KIAA1217: variants seen among roughly 807,000 people sequenced by gnomAD.
The protein encoded by KIAA1217 is sickle tail protein homolog.
In KIAA1217, 88 loss-of-function variants were observed where a neutral mutation model predicts 163.9. That is an observed-to-expected ratio of 0.54 (90% CI 0.45 to 0.64). The LOEUF (loss-of-function observed/expected upper bound fraction) is 0.64, where lower values mean the gene tolerates loss of function less well. Among genes scored for constraint, KIAA1217 ranks in the 30% least tolerant of loss-of-function variants. The pLI is 0.00. For synonymous variants in KIAA1217, 903 were observed against 923.1 expected (o/e 0.98, Z 0.39); for missense variants, 2,372 against 2,475.0 (o/e 0.96, Z 0.88).
chr10:23,957,209 C>T (rs886491133), intron 1 of KIAA1217, among the ~76,000 whole-genome samples: 5 of 152,122 alleles, frequency 3.3e-5, no homozygotes, highest in African/African-American at 9.7e-5. Flanking sequence ...TGCTGGCCCT[C>T]GTGTGCCTGG....
intron 7 of KIAA1217, 188 bp from the exon 8 acceptor site, chr10:24,494,959 C>G: frequency 1.7e-6 from 1 of 596,486 alleles, no homozygotes; most frequent in Admixed American, 3.2e-5. Context: ...GCATTCCACC[C>G]CCAGTGTCAG....
At chr10:23,717,303 C>T (rs182271452) in intron 1 of KIAA1217, among the ~76,000 whole-genome samples, 4 of 151,906 alleles carry the variant, frequency 2.6e-5, no homozygotes, top group Non-Finnish European at 4.4e-5. Context: ...AAGCTCATAG[C>T]GGGACTTATT....
Position 24,087,910 on chromosome 10 carries a change from G to A in KIAA1217, c.-171+80536G>A, listed in dbSNP as rs1291655003. ...TTTCTCTTTATGCCAGATCAGAGCT[G>A]TGGTGGCCTCCCAAGCCTTCCCATG... On this transcript the variant is annotated intron_variant, in intron 2 of 18. Coordinates refer to the KIAA1217 transcript ENST00000376462. Among the ~76,000 whole-genome samples the A allele has an allele frequency of 1.0e-3, 74 of 73,870 alleles. 14 individuals are homozygous for A. The highest frequency in any genetic ancestry group is 2.2e-4 in the East Asian group (1 of 4,642). 48.5% of individuals were successfully genotyped at this position (73,870 alleles called of 152,430 possible).
chr10:24,006,965 G>A (rs1484775014), intron 1 of KIAA1217, among the ~76,000 whole-genome samples: 6 of 152,104 alleles, frequency 3.9e-5, no homozygotes, highest in Non-Finnish European at 7.4e-5. Context: ...TGACTTAGTC[G>A]AATGTGTTTA....
At chr10:24,525,814 C>T (rs1054539695) in intron 13 of KIAA1217, among the ~76,000 whole-genome samples, 23 of 150,626 alleles carry the variant, frequency 1.5e-4, no homozygotes, top group Admixed American at 7.9e-4. Context: ...TGACAAAGTC[C>T]CAACTCTACC....
At chr10:24,520,675 T>TATACAC (rs1411092462) in intron 11 of KIAA1217, among the ~76,000 whole-genome samples, 13 of 77,418 alleles carry the variant, frequency 1.7e-4, no homozygotes, top group Non-Finnish European at 2.5e-4. Context: ...TATATATATA[T>TATACAC]ACACACACAC....
At chr10:24,015,696 A>G (rs976898314) in intron 2 of KIAA1217, among the ~76,000 whole-genome samples, 2 of 151,326 alleles carry the variant, frequency 1.3e-5, no homozygotes, top group African/African-American at 4.9e-5. Flanking sequence ...CAGAGGTTGC[A>G]GTGAGCCAAG....
At chr10:23,838,466 T>C (rs1838600064) in intron 1 of KIAA1217, among the ~76,000 whole-genome samples, 1 of 152,092 alleles carries the variant, frequency 6.6e-6, no homozygotes, top group Non-Finnish European at 1.5e-5. Flanking sequence ...TTTTCCTGTT[T>C]TTTTTTTCTT....
intron 1 of KIAA1217, among the ~76,000 whole-genome samples, chr10:23,853,826 T>C (rs1490344243): frequency 1.3e-5 from 2 of 152,196 alleles, no homozygotes; most frequent in East Asian, 1.9e-4. Flanking sequence ...CATTCTCTGA[T>C]GGTAGTTTGT....
chr10:24,476,481 A>G (rs866689279), intron 6 of KIAA1217, among the ~76,000 whole-genome samples: 12 of 152,344 alleles, frequency 7.9e-5, no homozygotes, highest in Middle Eastern at 3.4e-3. Flanking sequence ...CTTCAGTTTT[A>G]CATGTTAGAA....
In KIAA1217 at chr10:24,545,953, G is replaced by T; in HGVS notation, c.5461G>T (p.Asp1821Tyr). Residue 1821 changes from aspartate to tyrosine, a missense_variant, in exon 21 of 21, where the codon GAC (aspartate) becomes TAC (tyrosine). This residue lies in a region of KIAA1217 where 690 missense variants were observed against 677.5 expected (regional missense o/e 1.02). Transcript: ENST00000376454. ...KSSSLPSSSG[D>Y]SSNLPNPPAT... ...CAGTTCTCTGCCCTCTTCTAGTGGT[G>T]ACAGCTCTAACCTCCCTAATCCACC... The T allele has an allele frequency of 6.2e-7, 1 of 1,614,140 alleles. No individual in the cohort carries two copies. Among genetic ancestry groups the T allele is most frequent in the Non-Finnish European group, 8.5e-7 (1 of 1,180,028 alleles).
intron 1 of KIAA1217, among the ~76,000 whole-genome samples, chr10:23,990,462 G>A (rs1027174917): frequency 2.0e-5 from 3 of 151,430 alleles, no homozygotes; most frequent in African/African-American, 7.3e-5. Context: ...TTTTTAATGA[G>A]GTGGATTTTT....
At chr10:24,239,889 G>A (rs558023145) in intron 2 of KIAA1217, among the ~76,000 whole-genome samples, 4 of 152,164 alleles carry the variant, frequency 2.6e-5, no homozygotes, top group Non-Finnish European at 5.9e-5. Flanking sequence ...TTCTCACCGA[G>A]GCATTTTTCC....
At chr10:24,162,879 T>A (rs1012461539) in intron 2 of KIAA1217, among the ~76,000 whole-genome samples, 1 of 152,210 alleles carries the variant, frequency 6.6e-6, no homozygotes, top group Admixed American at 6.5e-5. Flanking sequence ...TTCCTTGCTA[T>A]GTGGGCCTTT....
chr10:24,232,207 A>G (rs1564310884), intron 2 of KIAA1217, among the ~76,000 whole-genome samples: 1 of 152,340 alleles, frequency 6.6e-6, no homozygotes, highest in East Asian at 1.9e-4. Context: ...TGAAAAGACT[A>G]AATTCAGGGG....
intron 1 of KIAA1217, among the ~76,000 whole-genome samples, chr10:23,711,546 T>G (rs962290145): frequency 6.6e-6 from 1 of 152,168 alleles, no homozygotes; most frequent in Non-Finnish European, 1.5e-5. Flanking sequence ...TGTAGTAAAT[T>G]TGTGTTCTTT....
At chr10:24,544,589 C>G (rs997446551) in intron 19 of KIAA1217, 108 bp downstream of exon 19, 1 of 1,102,634 alleles carries the variant, frequency 9.1e-7, no homozygotes, top group Admixed American at 3.1e-5. Context: ...TTTCAGGTGG[C>G]TTTTTTTTTT....
chr10:24,543,042 T>C lies in KIAA1217; in HGVS notation c.3772T>C (p.Tyr1258His), dbSNP rs1315777011. ...NMSLLRDSRN[Y>H]SQETVPKASF... Reference sequence around the variant, plus strand: ...GAGTTTACTCAGAGACAGTAGAAACTATTCCCAGGAAACTGTGCCTAAGGC... The same window carrying C: ...GAGTTTACTCAGAGACAGTAGAAACCATTCCCAGGAAACTGTGCCTAAGGC... Residue 1258 changes from tyrosine to histidine, a missense_variant, in exon 19 of 21, where the codon TAT (tyrosine) becomes CAT (histidine). Around this residue, in one of 3 missense-constraint regions of KIAA1217, gnomAD observed 251 missense variants for 327.3 expected, o/e 0.77. Transcript: ENST00000376454. The C allele has an allele frequency of 6.2e-7, 1 of 1,613,740 alleles. No homozygotes were observed. The highest frequency in any genetic ancestry group is 8.5e-7 in the Non-Finnish European group (1 of 1,179,924).
intron 1 of KIAA1217, among the ~76,000 whole-genome samples, chr10:23,994,980 A>G (rs773439072): frequency 6.6e-6 from 1 of 152,132 alleles, no homozygotes; most frequent in Non-Finnish European, 1.5e-5. Flanking sequence ...CCTTACCCTG[A>G]GCTGTAAAAT....
Sources: allele counts gnomAD v4.1 joint callset (sites outside exome capture counted in the v4.1 genomes callset), GRCh38; gene constraint gnomAD v4.1.1; regional missense constraint gnomAD v4.1.1; transcripts MANE v1.5; gene names NCBI Gene and HGNC (gene_info 2026-07-23, HGNC 2026-07-21).